Variants in KCNIP4 observed in about 807,000 individuals in gnomAD.
KCNIP4 encodes the protein potassium voltage-gated channel interacting protein 4, also known as Kv channel-interacting protein 4.
KCNIP4 carries 12 observed loss-of-function variants against 34.0 expected under a neutral mutation model. The observed-to-expected ratio is 0.35, with a 90% CI of 0.23 to 0.57. KCNIP4 has a LOEUF of 0.57. KCNIP4 is among the 20% of genes least tolerant of loss of function. KCNIP4 has a pLI of 0.83. For synonymous variants in KCNIP4, 124 were observed against 102.2 expected (o/e 1.21, Z -1.29); for missense variants, 238 against 311.7 (o/e 0.76, Z 1.78).
intron 1 of KCNIP4, among the ~76,000 whole-genome samples, chr4:21,248,424 A>G (rs1760450412): frequency 6.6e-6 from 1 of 152,136 alleles, no homozygotes; most frequent in Non-Finnish European, 1.5e-5. Flanking sequence ...CCCCTTGGGA[A>G]TCTTCGCACG....
intron 1 of KCNIP4, among the ~76,000 whole-genome samples, chr4:21,694,198 A>G (rs1214015997): frequency 1.3e-5 from 2 of 152,172 alleles, no homozygotes; most frequent in Admixed American, 6.5e-5. Context: ...ATCATACACA[A>G]ATAGAAGTGT....
At chr4:21,136,912 C>T (rs185127647) in intron 1 of KCNIP4, among the ~76,000 whole-genome samples, 16 of 152,242 alleles carry the variant, frequency 1.1e-4, no homozygotes, top group African/African-American at 2.9e-4. Context: ...CAAGACCTCT[C>T]GTACCTTTTT....
intron 1 of KCNIP4, among the ~76,000 whole-genome samples, chr4:21,479,845 A>G (rs1039389746): frequency 6.6e-6 from 1 of 152,008 alleles, no homozygotes; most frequent in Non-Finnish European, 1.5e-5. Context: ...TCAACAATTT[A>G]AAAAGCCAGT....
chr4:21,479,782 A>T lies in KCNIP4; in HGVS notation c.61+468789T>A, dbSNP rs888576598. Reference sequence around the variant, plus strand: ...AGAAAATATGCACAAAATAAATAAAATTTTTAAGGATAGATACAAACTAGT... The same window carrying T: ...AGAAAATATGCACAAAATAAATAAATTTTTTAAGGATAGATACAAACTAGT... On this transcript the variant is annotated intron_variant, in intron 1 of 8. Transcript: ENST00000382152. Among the ~76,000 whole-genome samples the T allele has an allele frequency of 3.9e-5, 6 of 152,196 alleles. No homozygotes were observed. The South Asian group carries it at 1.2e-3, about 32-fold the overall frequency.
chr4:21,097,459 A>G (rs1037932632), intron 1 of KCNIP4, among the ~76,000 whole-genome samples: 1 of 152,180 alleles, frequency 6.6e-6, no homozygotes. Context: ...GAGCAAGTCT[A>G]TAGGAGTCAA....
At chr4:20,770,685 G>T (rs1361611465) in intron 3 of KCNIP4, among the ~76,000 whole-genome samples, 1 of 152,090 alleles carries the variant, frequency 6.6e-6, no homozygotes, top group Non-Finnish European at 1.5e-5. Context: ...TGTAATCCCA[G>T]AACTTTGGGA....
At chr4:21,890,141 C>A (rs74929376) in intron 1 of KCNIP4, among the ~76,000 whole-genome samples, 1 of 151,976 alleles carries the variant, frequency 6.6e-6, no homozygotes, top group Admixed American at 6.6e-5. Flanking sequence ...CTTAATGCAC[C>A]GTATGTTATA....
chr4:21,605,672 G>C (rs1244891543), intron 1 of KCNIP4, among the ~76,000 whole-genome samples: 1 of 151,988 alleles, frequency 6.6e-6, no homozygotes, highest in Admixed American at 6.6e-5. Context: ...GTAGAGATGG[G>C]GTTTCACCAT....
At chr4:21,179,509 G>A (rs1040385657) in intron 1 of KCNIP4, among the ~76,000 whole-genome samples, 14 of 152,260 alleles carry the variant, frequency 9.2e-5, no homozygotes, top group African/African-American at 3.1e-4. Context: ...GGGCAATATT[G>A]GTTAGCTAAA....
chr4:21,752,808 G>A (rs1284042108), intron 1 of KCNIP4, among the ~76,000 whole-genome samples: 1 of 152,126 alleles, frequency 6.6e-6, no homozygotes, highest in Non-Finnish European at 1.5e-5. Flanking sequence ...TTTTGTGCAA[G>A]CAATTCACCA....
intron 1 of KCNIP4, among the ~76,000 whole-genome samples, chr4:21,587,134 G>A (rs1359196106): frequency 6.6e-6 from 1 of 152,022 alleles, no homozygotes; most frequent in Non-Finnish European, 1.5e-5. Flanking sequence ...TGTTGTTTGT[G>A]TATATGCTAT....
intron 1 of KCNIP4, among the ~76,000 whole-genome samples, chr4:21,287,055 G>A (rs1763164957): frequency 6.6e-6 from 1 of 152,114 alleles, no homozygotes; most frequent in African/African-American, 2.4e-5. Flanking sequence ...ACAGGACAAT[G>A]TGTCCAAAAT....
chr4:21,405,225 A>G (rs1577312093), intron 1 of KCNIP4, among the ~76,000 whole-genome samples: 2 of 152,090 alleles, frequency 1.3e-5, no homozygotes, highest in South Asian at 4.1e-4. Context: ...CCTTAAATCT[A>G]AATCCCCACT....
At chr4:21,266,751 G>A (rs1170499797) in intron 1 of KCNIP4, among the ~76,000 whole-genome samples, 4 of 152,220 alleles carry the variant, frequency 2.6e-5, no homozygotes, top group Non-Finnish European at 5.9e-5. Flanking sequence ...ACAAGATGGT[G>A]TGTCAAGAGG....
intron 1 of KCNIP4, among the ~76,000 whole-genome samples, chr4:21,254,088 C>T (rs905142279): frequency 6.6e-6 from 1 of 152,118 alleles, no homozygotes; most frequent in African/African-American, 2.4e-5. Flanking sequence ...TATAGATTAT[C>T]CCTTTGGTAT....
At chr4:21,432,101 T>TATAC (rs1726524820) in intron 1 of KCNIP4, among the ~76,000 whole-genome samples, 1 of 56,390 alleles carries the variant, frequency 1.8e-5, no homozygotes, top group Admixed American at 1.7e-4. Context: ...CATATATATA[T>TATAC]ATATATATAT....
rs1461939798 is a variant in KCNIP4, at chr4:21,944,569, A to AAG, written c.61+4001_61+4002insCT. Among the ~76,000 whole-genome samples, 8 of 151,832 alleles carry AAG rather than the reference A, an allele frequency of 5.3e-5. No homozygotes were observed. In the South Asian group the frequency reaches 1.0e-3, roughly 20 times the overall value. On this transcript the variant is annotated intron_variant, in intron 1 of 8. Transcript: ENST00000382152. ...GAGACTCCGTCTCAAAAAAAAAAAA[A>AAG]AAAAAAAAAGAGAGATCTGAGAGAA...
chr4:21,713,984 C>A (rs1713950034), intron 1 of KCNIP4, among the ~76,000 whole-genome samples: 1 of 152,128 alleles, frequency 6.6e-6, no homozygotes, highest in Admixed American at 6.5e-5. Flanking sequence ...AGCACTTCCA[C>A]TCAATTCTAA....
At chr4:21,666,146 T>C (rs1163168393) in intron 1 of KCNIP4, among the ~76,000 whole-genome samples, 1 of 152,204 alleles carries the variant, frequency 6.6e-6, no homozygotes, top group African/African-American at 2.4e-5. Flanking sequence ...TGAAAGAGAA[T>C]GCATAAAAAT....
Sources: allele counts gnomAD v4.1 joint callset (sites outside exome capture counted in the v4.1 genomes callset), GRCh38; gene constraint gnomAD v4.1.1; transcripts MANE v1.5; gene names NCBI Gene and HGNC (gene_info 2026-07-23, HGNC 2026-07-21).